Variants in AUTS2 observed in about 807,000 individuals in gnomAD.
The protein encoded by AUTS2 is activator of transcription and developmental regulator AUTS2.
A neutral mutation model predicts 112.4 loss-of-function variants in AUTS2; 17 were observed. The ratio of observed to expected loss-of-function variants is 0.15; its 90% CI spans 0.10 to 0.23. AUTS2 has a LOEUF of 0.23. AUTS2 is among the 10% of genes least tolerant of loss of function. The pLI is 1.00. For missense variants in AUTS2, 1,510 were observed against 1,701.6 expected (o/e 0.89, Z 1.98); for synonymous variants, 751 against 702.7 (o/e 1.07, Z -1.09).
intron 4 of AUTS2, among the ~76,000 whole-genome samples, chr7:70,238,874 A>G (rs925933749): frequency 1.3e-5 from 2 of 151,908 alleles, no homozygotes; most frequent in African/African-American, 4.8e-5. Context: ...GTGTACATGC[A>G]CTTGTTTGTG....
At chr7:70,598,847 A>G (rs535759037) in intron 5 of AUTS2, among the ~76,000 whole-genome samples, 1 of 152,362 alleles carries the variant, frequency 6.6e-6, no homozygotes, top group Admixed American at 6.5e-5. Context: ...CTGAACAGAT[A>G]GAAAAACTGA....
At chr7:69,763,352 G>A (rs185924986) in intron 1 of AUTS2, among the ~76,000 whole-genome samples, 138 of 152,328 alleles carry the variant, frequency 9.1e-4, no homozygotes, top group Non-Finnish European at 1.7e-3. Flanking sequence ...GGGTAGAGAA[G>A]CCTGGGCTGG....
chr7:70,023,191 A>G (rs1293242133), intron 2 of AUTS2, among the ~76,000 whole-genome samples: 1 of 152,218 alleles, frequency 6.6e-6, no homozygotes, highest in Non-Finnish European at 1.5e-5. Context: ...TGTGTGTTTT[A>G]TAAGATCATT....
chr7:70,005,213 A>G (rs980724511), intron 2 of AUTS2, among the ~76,000 whole-genome samples: 3 of 151,948 alleles, frequency 2.0e-5, no homozygotes, highest in Non-Finnish European at 1.5e-5. Context: ...TTTTTTTCTT[A>G]TGGAACGTTG....
In AUTS2 at chr7:70,409,719, A is replaced by G. The variant is rs1283749418; in HGVS notation, c.661-26033A>G. On this transcript the variant is annotated intron_variant, in intron 4 of 18. Coordinates refer to ENST00000342771, the MANE Select transcript of AUTS2 (RefSeq NM_015570.4). ...GCTGAGACGTTATACTAAAATTTCTAAAGCAGAGACATTGTTATTTTTCAC... is the reference window on the plus strand; with the variant it reads ...GCTGAGACGTTATACTAAAATTTCTGAAGCAGAGACATTGTTATTTTTCAC... 3.3e-5 allele frequency among the ~76,000 whole-genome samples: 5 copies of G among 152,234 alleles called. No homozygotes were observed. The South Asian group carries it at 6.2e-4, about 19-fold the overall frequency.
intron 1 of AUTS2, among the ~76,000 whole-genome samples, chr7:69,784,251 T>G (rs1789269146): frequency 6.6e-6 from 1 of 152,180 alleles, no homozygotes; most frequent in African/African-American, 2.4e-5. Context: ...GAAGTCCCAA[T>G]GGGAAGTCAG....
At chr7:69,751,591 C>G (rs1329665321) in intron 1 of AUTS2, among the ~76,000 whole-genome samples, 3 of 152,178 alleles carry the variant, frequency 2.0e-5, no homozygotes, top group Non-Finnish European at 2.9e-5. Flanking sequence ...ACCTGAACTT[C>G]AGGCCTTTAT....
At chr7:70,394,733 T>C (rs1317188161) in intron 4 of AUTS2, among the ~76,000 whole-genome samples, 1 of 151,536 alleles carries the variant, frequency 6.6e-6, no homozygotes, top group African/African-American at 2.4e-5. Context: ...GTTGTGATAA[T>C]CACTGGATTG....
At chr7:70,610,702 T>A (rs1804050145) in intron 5 of AUTS2, among the ~76,000 whole-genome samples, 1 of 152,124 alleles carries the variant, frequency 6.6e-6, no homozygotes, top group Admixed American at 6.5e-5. Flanking sequence ...TGAGGTGATA[T>A]TCATTGTAGT....
At chr7:69,636,480 G>GGTCCCCCCCCCCCCCCC (rs1562776075) in intron 1 of AUTS2, among the ~76,000 whole-genome samples, 1 of 16,098 alleles carries the variant, frequency 6.2e-5, no homozygotes, top group Non-Finnish European at 1.1e-4. Context: ...AGTGATCCGC[G>GGTCCCCCCCCCCCCCCC]CCCCCCCCCC....
intron 4 of AUTS2, among the ~76,000 whole-genome samples, chr7:70,206,151 C>T (rs1413532000): frequency 6.6e-6 from 1 of 152,130 alleles, no homozygotes; most frequent in African/African-American, 2.4e-5. Context: ...TATTCCCTGT[C>T]CCCCTCCGTT....
intron 2 of AUTS2, among the ~76,000 whole-genome samples, chr7:69,963,150 G>A (rs988924095): frequency 6.6e-6 from 1 of 152,122 alleles, no homozygotes; most frequent in Non-Finnish European, 1.5e-5. Context: ...TTTATGCCAG[G>A]AAATGAAAAT....
chr7:70,540,992 TC>T (rs1434434667), intron 5 of AUTS2, among the ~76,000 whole-genome samples: 1 of 151,902 alleles, frequency 6.6e-6, no homozygotes, highest in Non-Finnish European at 1.5e-5. Flanking sequence ...CATGCAAAAG[TC>T]CCCCCCTATG....
intron 2 of AUTS2, among the ~76,000 whole-genome samples, chr7:69,935,981 C>T (rs1277538211): frequency 6.6e-6 from 1 of 152,142 alleles, no homozygotes; most frequent in Non-Finnish European, 1.5e-5. Context: ...AAGCCATTTA[C>T]CAAGAGCATA....
At chr7:70,232,407 C>CTT (rs112682454) in intron 4 of AUTS2, among the ~76,000 whole-genome samples, 2 of 145,102 alleles carry the variant, frequency 1.4e-5, no homozygotes, top group Non-Finnish European at 1.5e-5. Flanking sequence ...GGCTCTTGCT[C>CTT]TTTTTTTTTT....
At chr7:69,614,922 A>G (rs1793282909) in intron 1 of AUTS2, among the ~76,000 whole-genome samples, 1 of 152,270 alleles carries the variant, frequency 6.6e-6, no homozygotes, top group Non-Finnish European at 1.5e-5. Flanking sequence ...ATACCATACT[A>G]GAATTCTATT....
At chr7:70,098,743 C>A (rs1490805157) in intron 2 of AUTS2, among the ~76,000 whole-genome samples, 1 of 150,180 alleles carries the variant, frequency 6.7e-6, no homozygotes, top group African/African-American at 2.5e-5. Context: ...GCTCTTGTTG[C>A]CCAGGCTGGA....
At chr7:69,755,539 AT>A (rs1787910691) in intron 1 of AUTS2, among the ~76,000 whole-genome samples, 1 of 151,892 alleles carries the variant, frequency 6.6e-6, no homozygotes, top group African/African-American at 2.4e-5. Flanking sequence ...TTTCTGTTTG[AT>A]TTTACGGGTC....
intron 1 of AUTS2, among the ~76,000 whole-genome samples, chr7:69,726,716 TAA>T (rs1307772765): frequency 6.6e-6 from 1 of 152,206 alleles, no homozygotes; most frequent in Non-Finnish European, 1.5e-5. Context: ...TTTGGTATGA[TAA>T]GTCTTTTTAA....
Sources: gnomAD v4.1 joint callset for allele counts (sites outside exome capture counted in the v4.1 genomes callset) on GRCh38, gnomAD v4.1.1 for gene constraint, MANE v1.5 for transcripts, NCBI Gene and HGNC (gene_info 2026-07-23, HGNC 2026-07-21) for gene names.